CSMD1: variants seen among roughly 807,000 people sequenced by gnomAD.
The protein encoded by CSMD1 is CUB and Sushi multiple domains 1.
Under a neutral mutation model 417.5 loss-of-function variants are expected in CSMD1, and 213 were observed. That is an observed-to-expected ratio of 0.51 (90% CI 0.46 to 0.57). CSMD1 has a LOEUF of 0.57. Among genes scored for constraint, CSMD1 ranks in the 20% least tolerant of loss-of-function variants. The pLI, the probability that CSMD1 is intolerant of heterozygous loss-of-function variation, is 0.00. For missense variants in CSMD1, 6,923 were observed against 4,529.7 expected (o/e 1.53, Z -15.17); for synonymous variants, 2,862 against 1,736.8 (o/e 1.65, Z -16.11).
intron 3 of CSMD1, among the ~76,000 whole-genome samples, chr8:4,213,012 T>G (rs140558760): frequency 6.6e-6 from 1 of 152,252 alleles, no homozygotes; most frequent in African/African-American, 2.4e-5. Context: ...GTCTTTGTTT[T>G]CTTATTTTTA....
chr8:3,439,309 A>ATATATATATATATATATATTTT, intron 12 of CSMD1, among the ~76,000 whole-genome samples: 32 of 62,404 alleles, frequency 5.1e-4, no homozygotes, highest in Admixed American at 1.3e-3. Flanking sequence ...ATATATATAT[A>ATATATATATATATATATATTTT]TTTTTTTTTT....
chr8:4,061,814 G>C (rs1585230508), intron 3 of CSMD1, among the ~76,000 whole-genome samples: 1 of 152,166 alleles, frequency 6.6e-6, no homozygotes, highest in Admixed American at 6.5e-5. Context: ...TATTTTAAAT[G>C]ATGCTTCACT....
intron 3 of CSMD1, among the ~76,000 whole-genome samples, chr8:4,199,306 T>C (rs539124814): frequency 6.6e-6 from 1 of 152,260 alleles, no homozygotes; most frequent in African/African-American, 2.4e-5. Flanking sequence ...AGTGTATGGG[T>C]GCTTTTTCAT....
At chr8:3,854,671 G>A (rs954709561) in intron 5 of CSMD1, among the ~76,000 whole-genome samples, 4 of 151,866 alleles carry the variant, frequency 2.6e-5, no homozygotes, top group Admixed American at 6.6e-5. Context: ...AAGAGAGGGG[G>A]ATGGAGAGTG....
At chr8:4,959,468 G>C (rs773199582) in intron 1 of CSMD1, among the ~76,000 whole-genome samples, 12 of 152,198 alleles carry the variant, frequency 7.9e-5, no homozygotes, top group African/African-American at 2.7e-4. Context: ...GAGAGGCAAC[G>C]CCCTCAGGAT....
At chr8:2,978,459 C>T (rs935437867) in intron 55 of CSMD1, among the ~76,000 whole-genome samples, 153 bp downstream of exon 55, 20 of 152,090 alleles carry the variant, frequency 1.3e-4, no homozygotes, top group African/African-American at 3.9e-4. Flanking sequence ...TCTGGCCACT[C>T]GATCTACAGC....
chr8:4,023,672 C>T (rs1796904168), intron 4 of CSMD1, among the ~76,000 whole-genome samples: 1 of 150,630 alleles, frequency 6.6e-6, no homozygotes, highest in Non-Finnish European at 1.5e-5. Flanking sequence ...CTGCAAGCTC[C>T]GCCTCCAGGG....
At chr8:4,458,853 G>A (rs777131415) in intron 2 of CSMD1, among the ~76,000 whole-genome samples, 7 of 152,124 alleles carry the variant, frequency 4.6e-5, no homozygotes, top group African/African-American at 7.2e-5. Context: ...TGAGGCAAGC[G>A]TAGCACTGAA....
At chr8:3,028,604 T>C (rs1458653119) in intron 51 of CSMD1, among the ~76,000 whole-genome samples, 1 of 152,188 alleles carries the variant, frequency 6.6e-6, no homozygotes, top group Non-Finnish European at 1.5e-5. Context: ...TTCATTAACA[T>C]TTGTTCTATT....
At chr8:4,107,795 C>G (rs138112666) in intron 3 of CSMD1, among the ~76,000 whole-genome samples, 4 of 152,330 alleles carry the variant, frequency 2.6e-5, no homozygotes, top group African/African-American at 9.6e-5. Flanking sequence ...CTGTTAATAA[C>G]TGACAGGCAA....
At chr8:4,591,823 C>T (rs1034297509) in intron 2 of CSMD1, among the ~76,000 whole-genome samples, 4 of 152,168 alleles carry the variant, frequency 2.6e-5, no homozygotes, top group African/African-American at 4.8e-5. Flanking sequence ...ACAGAAAGAC[C>T]GTCTAGGGGG....
chr8:3,452,731 G>A (rs1016269689), intron 12 of CSMD1, among the ~76,000 whole-genome samples: 2 of 152,182 alleles, frequency 1.3e-5, no homozygotes. Flanking sequence ...GTATTTTATT[G>A]AGGATTTTTG....
At chr8:4,977,264 G>A (rs1388821949) in intron 1 of CSMD1, among the ~76,000 whole-genome samples, 3 of 152,068 alleles carry the variant, frequency 2.0e-5, no homozygotes, top group African/African-American at 7.2e-5. Context: ...TTTCTGCAAA[G>A]GTAAGACTGA....
chr8:2,989,478 C>T (rs1806196179), intron 54 of CSMD1, among the ~76,000 whole-genome samples: 1 of 152,168 alleles, frequency 6.6e-6, no homozygotes. Flanking sequence ...CCATCCCCTG[C>T]TTCATCAGAT....
chr8:4,472,157 T>A (rs1374558997), intron 2 of CSMD1, among the ~76,000 whole-genome samples: 1 of 152,220 alleles, frequency 6.6e-6, no homozygotes, highest in African/African-American at 2.4e-5. Flanking sequence ...TCATACTTTT[T>A]AAATATTAAT....
intron 3 of CSMD1, among the ~76,000 whole-genome samples, chr8:4,297,342 A>T (rs1361546500): frequency 1.3e-5 from 2 of 152,132 alleles, no homozygotes; most frequent in African/African-American, 4.8e-5. Context: ...ATCTAAAAAA[A>T]CAAAACAAAA....
chr8:4,825,558 C>T (rs1336764782), intron 1 of CSMD1, among the ~76,000 whole-genome samples: 3 of 150,728 alleles, frequency 2.0e-5, no homozygotes, highest in Admixed American at 6.6e-5. Flanking sequence ...ATGTGTGTGG[C>T]TGTCTTAGAT....
intron 3 of CSMD1, among the ~76,000 whole-genome samples, chr8:4,089,425 G>A (rs549283726): frequency 1.1e-4 from 16 of 152,286 alleles, no homozygotes; most frequent in African/African-American, 3.8e-4. Context: ...TTAGCATTCT[G>A]TGTCATTATT....
In CSMD1 at chr8:3,951,490, T is replaced by A. The variant is rs529247093; in HGVS notation, c.818+46413A>T. ...GCTTGTGGGATTCCAACTGCTTGAA[T>A]AACAACTGGTTGACCTGAGCCCCAG... is the stretch of plus-strand genomic sequence containing the variant. On this transcript the variant is annotated intron_variant, in intron 5 of 69. Coordinates refer to ENST00000635120, the MANE Select transcript of CSMD1 (RefSeq NM_033225.6). Among the ~76,000 whole-genome samples, 8 of 152,274 alleles carry A rather than the reference T, an allele frequency of 5.3e-5. No homozygotes were observed. The East Asian group carries it at 1.4e-3, about 26-fold the overall frequency.
Sources: gnomAD v4.1 joint callset for allele counts (sites outside exome capture counted in the v4.1 genomes callset) on GRCh38, gnomAD v4.1.1 for gene constraint, MANE v1.5 for transcripts, NCBI Gene and HGNC (gene_info 2026-07-23, HGNC 2026-07-21) for gene names.